Variants in PRXL2C observed in about 807,000 individuals in gnomAD.
PRXL2C encodes peroxiredoxin like 2C.
A neutral mutation model predicts 24.9 loss-of-function variants in PRXL2C; 38 were observed. That is an observed-to-expected ratio of 1.53 (90% CI 1.18 to 2.00). The LOEUF (loss-of-function observed/expected upper bound fraction) is 2.00. PRXL2C is among the 30% of genes most tolerant of loss of function. The probability of loss-of-function intolerance (pLI) is 0.00; values close to 1 mark genes in which losing one functional copy is unlikely to be tolerated. For synonymous variants in PRXL2C, 98 were observed against 117.2 expected (o/e 0.84, Z 1.06); for missense variants, 294 against 290.9 (o/e 1.01, Z -0.08).
rs1848340294 is a variant in PRXL2C at position 96,655,276 on chromosome 9, G to A, written c.6C>T (p.Ala2=). 2 of 1,068,328 alleles carry A rather than the reference G, an allele frequency of 1.9e-6. No individual in the cohort carries two copies. The highest frequency in any genetic ancestry group is 4.4e-5 in the South Asian group (1 of 22,864). The allele number at this position is 1,068,328 out of a possible 1,614,324, so 66.2% of individuals were successfully genotyped here. Residue 2 remains alanine (A), a synonymous_variant, in exon 1 of 6, where the codon GCC becomes GCT. Transcript: ENST00000375234. Reference sequence around the variant, plus strand: ...CCTGCCGCGTGACCGGGGCCGGCGCGGCCATGACGCGGGGCGGCCGAGGGC... The same window carrying A: ...CCTGCCGCGTGACCGGGGCCGGCGCAGCCATGACGCGGGGCGGCCGAGGGC... M[A]APAPVTRQVS...
rs1468848815 is a variant in PRXL2C at position 96,655,098 on chromosome 9, A to C, written c.184T>G (p.Phe62Val). Residue 62 changes from phenylalanine (F) to valine (V), a missense_variant, in exon 1 of 6, where the codon TTC becomes GTC. By Grantham distance (50) the Phe-to-Val change is conservative. Transcript: ENST00000375234. ...LFRERRAVVV[F>V]VRHFLCYICK... ...CCCCGCCGCCCGCTCACCCGCACGA[A>C]CACCACCACGGCGCGGCGCTCCCGG... 1.2e-5 allele frequency: 17 copies of C among 1,450,044 alleles called. No homozygotes were observed. The highest frequency in any genetic ancestry group is 1.5e-5 in the African/African-American group (1 of 67,608). 89.8% of individuals were successfully genotyped at this position (1,450,044 alleles called of 1,614,324 possible).
intron 5 of PRXL2C, among the ~76,000 whole-genome samples, chr9:96,644,801 G>A (rs1848168305): frequency 6.8e-6 from 1 of 147,796 alleles, no homozygotes; most frequent in Admixed American, 6.8e-5. Context: ...CTTATGGGAT[G>A]AGCTGTCCCT....
Position 96,651,696 on chromosome 9 carries a change from A to G in PRXL2C, c.278T>C (p.Leu93Pro). 6.2e-7 allele frequency: 1 copy of G among 1,610,438 alleles called. No homozygotes were observed. The highest frequency in any genetic ancestry group is 8.5e-7 in the Non-Finnish European group (1 of 1,177,846). ...RSFLQEANVT[L>P]IVIGQSSYHH... ...GTAGGATGACTGTCCAATCACTATA[A>G]GGGTGACATTTGCTTCCTTAGGAGA... Residue 93 changes from leucine to proline, a missense_variant, in exon 3 of 6, where the codon CTT becomes CCT. Coordinates refer to ENST00000375234, the MANE Select transcript of PRXL2C (RefSeq NM_153698.2).
chr9:96,645,943 T>C lies in PRXL2C; in HGVS notation c.503A>G (p.Asp168Gly), dbSNP rs1273905297. ...LWRAVTGPLFDFQGDPAQQGG... is the reference protein window; with the variant it reads ...LWRAVTGPLFGFQGDPAQQGG... ...TTGCTGAGCTGGGTCTCCTTGAAAA[T>C]CAAAGAGAGGGCCAGTCACTGCCCG... Residue 168 changes from aspartate to glycine, a missense_variant, in exon 5 of 6, where the codon GAT becomes GGT. Coordinates refer to ENST00000375234, the MANE Select transcript of PRXL2C (RefSeq NM_153698.2). 6.2e-7 allele frequency: 1 copy of C among 1,613,406 alleles called. No individual in the cohort carries two copies. Among genetic ancestry groups the C allele is most frequent in the East Asian group, 2.2e-5 (1 of 44,848 alleles).
In PRXL2C at chr9:96,640,959, T is replaced by C. The variant is rs1848106344; in HGVS notation, c.*800A>G. The C allele has an allele frequency of 6.6e-6, 1 of 152,102 alleles. No homozygotes were observed. Among genetic ancestry groups the C allele is most frequent in the African/African-American group, 2.4e-5 (1 of 41,384 alleles). The allele number at this position is 152,102 out of a possible 1,614,324, so 9.4% of individuals were successfully genotyped here. On this transcript the variant is annotated 3_prime_UTR_variant, in exon 6 of 6. Transcript: ENST00000375234. ...TAGCTCCCCCAACCCCCCAAAATCC[T>C]AGTGAAACGGATAGCAAGTATGTAG...
At chr9:96,651,827 G>A in intron 2 of PRXL2C, 115 bp from the exon 3 acceptor site, 1 of 812,344 alleles carries the variant, frequency 1.2e-6, no homozygotes, top group Non-Finnish European at 1.9e-6. Context: ...GCTTCTAGAG[G>A]AATGGAATAC....
intron 2 of PRXL2C, among the ~76,000 whole-genome samples, chr9:96,653,237 AAAG>A (rs1174940764): frequency 2.3e-4 from 34 of 147,312 alleles, no homozygotes; most frequent in African/African-American, 7.4e-4. Context: ...AAAAAAAAAA[AAAG>A]AAGAAAAGAA....
intron 4 of PRXL2C, among the ~76,000 whole-genome samples, chr9:96,650,811 CG>C (rs1479823851): frequency 6.6e-6 from 1 of 150,472 alleles, no homozygotes. Context: ...TCATCATGTG[CG>C]CACGCGTGCA....
intron 5 of PRXL2C, among the ~76,000 whole-genome samples, chr9:96,642,213 G>T (rs968842743): frequency 2.6e-5 from 4 of 152,026 alleles, no homozygotes; most frequent in African/African-American, 9.7e-5. Context: ...AACTCACATA[G>T]ATATCAAGCT....
In PRXL2C at chr9:96,641,705, A is replaced by G; in HGVS notation, c.*54T>C. 1 of 1,501,132 alleles carries G rather than the reference A, an allele frequency of 6.7e-7. No homozygotes were observed. Among genetic ancestry groups the G allele is most frequent in the Non-Finnish European group, 9.0e-7 (1 of 1,107,610 alleles). 93.0% of individuals were successfully genotyped at this position (1,501,132 alleles called of 1,614,324 possible). On this transcript the variant is annotated 3_prime_UTR_variant, in exon 6 of 6. Coordinates refer to ENST00000375234, the MANE Select transcript of PRXL2C (RefSeq NM_153698.2). Reference sequence around the variant, plus strand: ...CTGCACGAGGATATTACACCCAGGCATTGAAGGTCACATTCCAGAAGGTCC... The same window carrying G: ...CTGCACGAGGATATTACACCCAGGCGTTGAAGGTCACATTCCAGAAGGTCC...
At position 96,639,643 on chromosome 9, in the gene PRXL2C, T is replaced by C. The variant is rs1848089353; in HGVS notation, c.*2116A>G. 6.6e-6 allele frequency: 1 copy of C among 152,212 alleles called. No individual in the cohort carries two copies. Among genetic ancestry groups the C allele is most frequent in the African/African-American group, 2.4e-5 (1 of 41,458 alleles). The allele number at this position is 152,212 out of a possible 1,614,324, so 9.4% of individuals were successfully genotyped here. On this transcript the variant is annotated 3_prime_UTR_variant, in exon 6 of 6. Transcript: ENST00000375234. Reference sequence around the variant, plus strand: ...ACAAACATGAAGATATATTCAAATATTTGAATACATTAGTTTTTTTTGTAA... The same window carrying C: ...ACAAACATGAAGATATATTCAAATACTTGAATACATTAGTTTTTTTTGTAA...
rs139914828 is a variant in PRXL2C at position 96,649,457 on chromosome 9, C to A, written c.421+1933G>T. 3.6e-3 allele frequency among the ~76,000 whole-genome samples: 485 copies of A among 134,364 alleles called. 134 individuals carry two copies. Among genetic ancestry groups the A allele is most frequent in the African/African-American group, 0.018 (437 of 24,834 alleles). The allele number at this position is 134,364 out of a possible 152,430, so 88.1% of individuals were successfully genotyped here. The stretch of plus-strand genomic sequence containing the variant: ...TGCATGCCTGTAATCCCAGCTACCC[C>A]GGAGGCTGAGGCAGGAGAATCACTT... On this transcript the variant is annotated intron_variant, in intron 4 of 5. Coordinates refer to ENST00000375234, the MANE Select transcript of PRXL2C (RefSeq NM_153698.2).
intron 5 of PRXL2C, among the ~76,000 whole-genome samples, chr9:96,644,068 G>C (rs2119173402): frequency 6.6e-6 from 1 of 150,828 alleles, no homozygotes; most frequent in Admixed American, 6.6e-5. Context: ...GGGAGGCGGA[G>C]GTTGTAGTGA....
intron 2 of PRXL2C, 124 bp downstream of exon 2, chr9:96,654,581 G>A (rs1228064682): frequency 2.5e-6 from 2 of 807,978 alleles, no homozygotes; most frequent in East Asian, 2.8e-5. Context: ...AGGGGCGAGG[G>A]TGGAGAGAGC....
intron 4 of PRXL2C, 104 bp from the exon 5 acceptor site, chr9:96,646,128 GT>G (rs1370617722): frequency 1.2e-5 from 15 of 1,255,732 alleles, no homozygotes; most frequent in African/African-American, 1.5e-5. Flanking sequence ...TTAAAGAATG[GT>G]TTCTCAATCT....
intron 5 of PRXL2C, among the ~76,000 whole-genome samples, chr9:96,642,785 C>T (rs985169883): frequency 7.9e-5 from 12 of 152,016 alleles, no homozygotes; most frequent in Non-Finnish European, 1.3e-4. Context: ...TCTTGTGATC[C>T]GCCCACCTCG....
At chr9:96,651,740 T>TATC (rs774870186) in intron 2 of PRXL2C, 28 bp from the exon 3 acceptor site, 1 of 1,563,720 alleles carries the variant, frequency 6.4e-7, no homozygotes, top group Admixed American at 1.8e-5. Flanking sequence ...GACATGTATA[T>TATC]ATCATTAGAA....
At position 96,651,384 on chromosome 9, in the gene PRXL2C, T is replaced by A; in HGVS notation, c.421+6A>T. ...TGTTTTCTATTTGAGACATGTTATGTCTTACCTGAGGAAGCAATTTCTTCA... is the reference window on the plus strand; with the variant it reads ...TGTTTTCTATTTGAGACATGTTATGACTTACCTGAGGAAGCAATTTCTTCA... On this transcript the variant is annotated splice_donor_region_variant and intron_variant, in intron 4 of 5. Transcript: ENST00000375234. The A allele has an allele frequency of 6.3e-7, 1 of 1,591,250 alleles. No homozygotes were observed. The highest frequency in any genetic ancestry group is 8.6e-7 in the Non-Finnish European group (1 of 1,162,136).
rs752564874 is a variant in PRXL2C, at chr9:96,645,894, T to G, written c.552A>C (p.Pro184=). ...CTGAACCTGGGCTTTGATGCTTACC[T>G]GGACCTAAAATGAGGGTTCCACCTT... ...AQQGGTLILG[P]GNNIHFIHRD... is the part of the protein sequence containing the mutation. The change falls in exon 5 of 6, where the codon CCA becomes CCC. Residue 184 remains proline (P), a splice_region_variant and synonymous_variant. Transcript: ENST00000375234. 84 of 1,609,036 alleles carry G rather than the reference T, an allele frequency of 5.2e-5. No individual in the cohort carries two copies. The highest frequency in any genetic ancestry group is 6.5e-5 in the Non-Finnish European group (77 of 1,178,718).
Sources: allele counts gnomAD v4.1 joint callset (sites outside exome capture counted in the v4.1 genomes callset), GRCh38; gene constraint gnomAD v4.1.1; transcripts MANE v1.5; gene names NCBI Gene and HGNC (gene_info 2026-07-23, HGNC 2026-07-21).